Variants in ACSBG2 observed in about 807,000 individuals in gnomAD.
The protein encoded by ACSBG2 is long-chain-fatty-acid--CoA ligase ACSBG2.
A neutral mutation model predicts 74.7 loss-of-function variants in ACSBG2; 62 were observed. The ratio of observed to expected loss-of-function variants is 0.83; its 90% confidence interval spans 0.68 to 1.03. The LOEUF (loss-of-function observed/expected upper bound fraction) is 1.03. Ranked by LOEUF, ACSBG2 falls within the 50% of genes least tolerant of loss-of-function variation. ACSBG2 has a pLI of 0.00. For synonymous variants in ACSBG2, 309 were observed against 294.1 expected (o/e 1.05, Z -0.52); for missense variants, 730 against 817.6 (o/e 0.89, Z 1.31).
chr19:6,156,547 T>C lies in ACSBG2; in HGVS notation c.503T>C (p.Leu168Pro). ...VENDQQLQKI[L>P]SIPQSSLEPL... is the part of the protein sequence containing the mutation. ...AATGATCAACAGTTACAGAAAATCC[T>C]TTCGGTAAACCCCTACCCAGCACTG... is the stretch of plus-strand genomic sequence containing the variant. Residue 168 changes from leucine (L) to proline (P), a missense_variant, in exon 5 of 15, where the codon CTT (leucine) becomes CCT (proline). By Grantham distance (98) the Leu-to-Pro change is moderately conservative (BLOSUM62 -3). Transcript: ENST00000588485. The C allele has an allele frequency of 1.3e-6, 2 of 1,574,668 alleles. No individual in the cohort carries two copies. Among genetic ancestry groups the C allele is most frequent in the Non-Finnish European group, 1.7e-6 (2 of 1,158,232 alleles).
chr19:6,181,220 T>TAAAAA (rs1424715547), intron 8 of ACSBG2, among the ~76,000 whole-genome samples: 1 of 53,988 alleles, frequency 1.9e-5, no homozygotes, highest in African/African-American at 1.1e-4. Context: ...GGAGACTGTG[T>TAAAAA]CAAAAAAAAA....
At chr19:6,188,058 G>A (rs997805494) in intron 13 of ACSBG2, among the ~76,000 whole-genome samples, 3 of 152,088 alleles carry the variant, frequency 2.0e-5, no homozygotes, top group African/African-American at 7.2e-5. Flanking sequence ...ACAATCTCTC[G>A]CCTGCTGACC....
Position 6,177,479 on chromosome 19 carries a change from G to C in ACSBG2, c.906+83G>C, listed in dbSNP as rs912878211. ...GTAGATGGTTGTTAATCATTCGACA[G>C]ATTTTTTGGGTGAAGCCCCATGTCT... On this transcript the variant is annotated intron_variant, in intron 8 of 14. Transcript: ENST00000588485. 15 of 1,427,838 alleles carry C rather than the reference G, an allele frequency of 1.1e-5. No homozygotes were observed. In the African/African-American group the frequency reaches 2.0e-4, roughly 19 times the overall value. 88.4% of individuals were successfully genotyped at this position (1,427,838 alleles called of 1,614,324 possible). A position where few individuals can be genotyped will look rare whatever the true frequency, so the allele number is the denominator to read the frequency against.
intron 6 of ACSBG2, among the ~76,000 whole-genome samples, chr19:6,162,945 A>G (rs1374149908): frequency 6.6e-6 from 1 of 151,708 alleles, no homozygotes; most frequent in Non-Finnish European, 1.5e-5. Flanking sequence ...AGTCACATAG[A>G]AGGGCATCTA....
At chr19:6,176,185 A>C (rs1280120851) in intron 7 of ACSBG2, 28 of 771,118 alleles carry the variant, frequency 3.6e-5, no homozygotes, top group Non-Finnish European at 4.0e-5. Flanking sequence ...GGCTTTACCC[A>C]AAAAAATCTG....
chr19:6,157,227 C>T (rs372998128), intron 5 of ACSBG2, among the ~76,000 whole-genome samples: 299 of 152,196 alleles, frequency 2.0e-3, no homozygotes, highest in Non-Finnish European at 2.8e-3. Flanking sequence ...GGATTACAGG[C>T]GTGAGCCACC....
At chr19:6,162,548 C>T (rs1433940473) in intron 6 of ACSBG2, among the ~76,000 whole-genome samples, 1 of 108,600 alleles carries the variant, frequency 9.2e-6, no homozygotes, top group Non-Finnish European at 1.7e-5. Flanking sequence ...GCCTGGGCAA[C>T]AGAGCAAGAC....
intron 5 of ACSBG2, among the ~76,000 whole-genome samples, chr19:6,158,025 T>C (rs1420827755): frequency 6.6e-6 from 1 of 151,466 alleles, no homozygotes; most frequent in Non-Finnish European, 1.5e-5. Flanking sequence ...TTTAGTTTTA[T>C]GTTGGAATGT....
intron 7 of ACSBG2, among the ~76,000 whole-genome samples, chr19:6,169,881 T>C (rs2089916018): frequency 6.6e-6 from 1 of 152,178 alleles, no homozygotes; most frequent in Admixed American, 6.5e-5. Context: ...TTTTCAACTT[T>C]AAGAATATTG....
chr19:6,170,077 T>TTGCTTG (rs1301803870), intron 7 of ACSBG2, among the ~76,000 whole-genome samples: 6 of 152,204 alleles, frequency 3.9e-5, no homozygotes, highest in African/African-American at 1.4e-4. Flanking sequence ...CTTTTATTTC[T>TTGCTTG]TGCTTGTGCC....
At chr19:6,154,056 T>G (rs576010745) in intron 4 of ACSBG2, among the ~76,000 whole-genome samples, 1 of 152,118 alleles carries the variant, frequency 6.6e-6, no homozygotes, top group Non-Finnish European at 1.5e-5. Context: ...ATATTCTATT[T>G]TCCAAATTTT....
intron 1 of ACSBG2, among the ~76,000 whole-genome samples, chr19:6,138,330 T>C (rs1230675846): frequency 6.6e-6 from 1 of 151,888 alleles, no homozygotes; most frequent in East Asian, 1.9e-4. Flanking sequence ...TGCGCCTGGG[T>C]GATGGGCCTC....
intron 3 of ACSBG2, among the ~76,000 whole-genome samples, chr19:6,150,719 CAG>C (rs1358357792): frequency 6.6e-6 from 1 of 151,764 alleles, no homozygotes; most frequent in Non-Finnish European, 1.5e-5. Context: ...GTGTTTTATA[CAG>C]AGAGTTTCAG....
At chr19:6,142,254 G>A (rs2088870188) in intron 2 of ACSBG2, among the ~76,000 whole-genome samples, 1 of 152,142 alleles carries the variant, frequency 6.6e-6, no homozygotes, top group Non-Finnish European at 1.5e-5. Flanking sequence ...TGTAGATAGG[G>A]TGCGGATATG....
intron 7 of ACSBG2, among the ~76,000 whole-genome samples, chr19:6,173,281 G>T (rs973709166): frequency 2.0e-5 from 3 of 152,170 alleles, no homozygotes; most frequent in African/African-American, 7.2e-5. Flanking sequence ...TGGTGCAGTG[G>T]GTCAAGGGCA....
chr19:6,151,760 G>C lies in ACSBG2; in HGVS notation c.351G>C (p.Glu117Asp). 6.2e-7 allele frequency: 1 copy of C among 1,603,022 alleles called. No individual in the cohort carries two copies. Among genetic ancestry groups the C allele is most frequent in the Non-Finnish European group, 8.5e-7 (1 of 1,174,626 alleles). The change falls in exon 4 of 15, where the codon GAG becomes GAC. Residue 117 changes from glutamate (E) to aspartate (D), a missense_variant. By Grantham distance (45) the Glu-to-Asp change is conservative (BLOSUM62 2). Transcript: ENST00000588485. ...GVGILGFNSA[E>D]WFITAVGAIL... Reference sequence around the variant, plus strand: ...GTATCCTGGGGTTTAACTCTGCAGAGTGGTTTATCACTGCTGTTGGTGCCA... The same window carrying C: ...GTATCCTGGGGTTTAACTCTGCAGACTGGTTTATCACTGCTGTTGGTGCCA...
chr19:6,150,839 CT>C (rs1297350392), intron 3 of ACSBG2, among the ~76,000 whole-genome samples: 1 of 151,952 alleles, frequency 6.6e-6, no homozygotes, highest in Non-Finnish European at 1.5e-5. Flanking sequence ...TCAAAACGGG[CT>C]GCGTGTGGTG....
At chr19:6,144,243 C>G (rs2145011561) in intron 2 of ACSBG2, among the ~76,000 whole-genome samples, 1 of 152,362 alleles carries the variant, frequency 6.6e-6, no homozygotes, top group South Asian at 2.1e-4. Context: ...AGTGATCCAC[C>G]TGCCTCGGCC....
intron 8 of ACSBG2, among the ~76,000 whole-genome samples, chr19:6,182,304 T>C (rs1370432419): frequency 6.6e-6 from 1 of 152,160 alleles, no homozygotes; most frequent in African/African-American, 2.4e-5. Context: ...TTAACAGTTG[T>C]GTAATATTCC....
Sources: gnomAD v4.1 joint callset for allele counts (sites outside exome capture counted in the v4.1 genomes callset) on GRCh38, gnomAD v4.1.1 for gene constraint, MANE v1.5 for transcripts, NCBI Gene and HGNC (gene_info 2026-07-23, HGNC 2026-07-21) for gene names.